HDAC9: variants seen among roughly 807,000 people sequenced by gnomAD.
HDAC9 encodes the protein histone deacetylase 9, also known as MEF-2 interacting transcription repressor (MITR) protein.
A neutral mutation model predicts 139.4 loss-of-function variants in HDAC9; 41 were observed. That is an observed-to-expected ratio of 0.29 (90% confidence interval 0.23 to 0.38). The LOEUF is 0.38. Ranked by LOEUF, HDAC9 falls within the 10% of genes least tolerant of loss-of-function variation. The pLI is 1.00. For missense variants in HDAC9, 1,147 were observed against 1,297.0 expected, an observed-to-expected ratio of 0.88 and a Z score of 1.78; for synonymous variants, 517 against 476.2, an observed-to-expected ratio of 1.09 and a Z score of -1.12.
At chr7:18,198,378 A>T (rs1281814235) in intron 2 of HDAC9, among the ~76,000 whole-genome samples, 1 of 152,128 alleles carries the variant, frequency 6.6e-6, no homozygotes, top group Non-Finnish European at 1.5e-5. Context: ...TTCTTATGGA[A>T]ATTTTATTCT....
intron 2 of HDAC9, among the ~76,000 whole-genome samples, chr7:18,183,555 C>T (rs1321379656): frequency 6.6e-6 from 1 of 152,210 alleles, no homozygotes; most frequent in African/African-American, 2.4e-5. Flanking sequence ...TTTTCCCCCA[C>T]AGAAGATAGC....
intron 2 of HDAC9, among the ~76,000 whole-genome samples, chr7:18,221,566 ATGTGTACAC>A (rs1219888515): frequency 1.3e-5 from 2 of 152,146 alleles, no homozygotes; most frequent in African/African-American, 4.8e-5. Context: ...TATTTTACAG[ATGTGTACAC>A]TGAGCTTCCA....
intron 13 of HDAC9, among the ~76,000 whole-genome samples, chr7:18,736,018 C>A (rs867799636): frequency 1.4e-4 from 21 of 152,030 alleles, no homozygotes; most frequent in Middle Eastern, 6.3e-3. Flanking sequence ...AGTTCACTCA[C>A]GATTTGACTC....
chr7:18,335,039 A>G (rs1039167508), intron 1 of HDAC9, among the ~76,000 whole-genome samples: 3 of 151,514 alleles, frequency 2.0e-5, no homozygotes, highest in African/African-American at 4.8e-5. Context: ...ATTAATCCAT[A>G]GATTTTGAGA....
intron 1 of HDAC9, among the ~76,000 whole-genome samples, chr7:18,371,759 G>A (rs369059889): frequency 1.2e-3 from 184 of 152,220 alleles, no homozygotes; most frequent in African/African-American, 4.0e-3. Flanking sequence ...TGTCTAAAAT[G>A]ATTAAGGACA....
Position 18,941,703 on chromosome 7 carries a change from C to A in HDAC9, c.2937+5761C>A, listed in dbSNP as rs569038763. On this transcript the variant is annotated intron_variant, in intron 23 of 25. Coordinates refer to ENST00000686413, the MANE Select transcript of HDAC9 (RefSeq NM_178425.4). Reference sequence around the variant, plus strand: ...CAGAATAGTGTTTTTCTATGGTTTTCTTTTAAACTTTGAAGGCTCTCCATA... The same window carrying A: ...CAGAATAGTGTTTTTCTATGGTTTTATTTTAAACTTTGAAGGCTCTCCATA... 1.7e-4 allele frequency among the ~76,000 whole-genome samples: 26 copies of A among 152,160 alleles called. 1 individual carries two copies. The highest frequency in any genetic ancestry group is 5.8e-4 in the African/African-American group (24 of 41,534).
intron 13 of HDAC9, among the ~76,000 whole-genome samples, chr7:18,733,610 A>T (rs980691024): frequency 6.6e-6 from 1 of 151,530 alleles, no homozygotes; most frequent in Non-Finnish European, 1.5e-5. Flanking sequence ...TCATAACATA[A>T]ACATTAATGT....
intron 1 of HDAC9, among the ~76,000 whole-genome samples, chr7:18,355,225 A>G: frequency 6.6e-6 from 1 of 152,144 alleles, no homozygotes; most frequent in East Asian, 1.9e-4. Flanking sequence ...TGAGGAAACC[A>G]ATGTACAGAG....
At chr7:18,221,386 C>T (rs992330298) in intron 2 of HDAC9, among the ~76,000 whole-genome samples, 1 of 152,006 alleles carries the variant, frequency 6.6e-6, no homozygotes, top group South Asian at 2.1e-4. Context: ...ATTACAGGCA[C>T]GAGCCCAATT....
At chr7:18,099,105 C>G (rs1038270295) in intron 1 of HDAC9, among the ~76,000 whole-genome samples, 4 of 151,996 alleles carry the variant, frequency 2.6e-5, no homozygotes, top group Admixed American at 2.6e-4. Context: ...TTAAAAGTTA[C>G]CTACATTAAA....
At chr7:18,378,763 C>T (rs919676096) in intron 1 of HDAC9, among the ~76,000 whole-genome samples, 1 of 151,982 alleles carries the variant, frequency 6.6e-6, no homozygotes, top group African/African-American at 2.4e-5. Context: ...CATACCAAAA[C>T]AAAACAAAAC....
intron 2 of HDAC9, among the ~76,000 whole-genome samples, chr7:18,207,539 C>CTGTTTTTTTTTTTTTT (rs1791615183): frequency 1.9e-5 from 1 of 53,736 alleles, no homozygotes; most frequent in Non-Finnish European, 3.1e-5. Context: ...CCCAAGGAGT[C>CTGTTTTTTTTTTTTTT]TTTTTTTTTT....
intron 1 of HDAC9, among the ~76,000 whole-genome samples, chr7:18,139,968 A>G (rs1418392355): frequency 6.6e-6 from 1 of 152,162 alleles, no homozygotes; most frequent in Non-Finnish European, 1.5e-5. Flanking sequence ...GTCCTCCAGA[A>G]CTGTGAGAGC....
At chr7:18,768,609 T>C (rs1172461475) in intron 16 of HDAC9, among the ~76,000 whole-genome samples, 1 of 152,158 alleles carries the variant, frequency 6.6e-6, no homozygotes, top group Non-Finnish European at 1.5e-5. Context: ...TTTTCTAACA[T>C]CTCAAATGGC....
intron 1 of HDAC9, among the ~76,000 whole-genome samples, chr7:18,300,419 T>A (rs911067525): frequency 6.6e-6 from 1 of 152,034 alleles, no homozygotes; most frequent in Non-Finnish European, 1.5e-5. Flanking sequence ...CTTTGACTTA[T>A]CAATACCTTC....
At chr7:18,974,258 C>T (rs955178712) in intron 24 of HDAC9, among the ~76,000 whole-genome samples, 11 of 152,208 alleles carry the variant, frequency 7.2e-5, no homozygotes, top group Admixed American at 2.0e-4. Flanking sequence ...TTTAGGAGCA[C>T]ATTTGCACTC....
chr7:18,961,349 T>C (rs1174201473), intron 24 of HDAC9, among the ~76,000 whole-genome samples: 2 of 152,144 alleles, frequency 1.3e-5, no homozygotes, highest in South Asian at 2.1e-4. Context: ...TGGTATAATA[T>C]GGTAATTAAC....
chr7:18,795,946 G>A (rs1792764613), intron 17 of HDAC9, among the ~76,000 whole-genome samples: 1 of 152,188 alleles, frequency 6.6e-6, no homozygotes, highest in Non-Finnish European at 1.5e-5. Flanking sequence ...CTTATTCAAG[G>A]ACACTGGTAA....
chr7:18,783,296 G>A (rs1035313377), intron 16 of HDAC9, among the ~76,000 whole-genome samples: 8 of 152,040 alleles, frequency 5.3e-5, no homozygotes, highest in African/African-American at 2.4e-5. Context: ...AGTTTGCAAA[G>A]AAAAGCATTT....
Sources: gnomAD v4.1 joint callset for allele counts (sites outside exome capture counted in the v4.1 genomes callset) on GRCh38, gnomAD v4.1.1 for gene constraint, MANE v1.5 for transcripts, NCBI Gene and HGNC (gene_info 2026-07-23, HGNC 2026-07-21) for gene names.